ABCB5: variants seen among roughly 807,000 people sequenced by gnomAD.
The protein encoded by ABCB5 is ATP binding cassette subfamily B member 5, also known as ATP-binding cassette sub-family B member 5.
Under a neutral mutation model 144.2 loss-of-function variants are expected in ABCB5, and 155 were observed. The observed-to-expected ratio is 1.08, with a 90% CI of 0.94 to 1.23. The LOEUF is 1.23. ABCB5 is among the 50% of genes most tolerant of loss of function. The probability of loss-of-function intolerance (pLI) is 0.00; values close to 1 mark genes in which losing one functional copy is unlikely to be tolerated. For missense variants in ABCB5, 1,830 were observed against 1,520.8 expected (o/e 1.20, Z -3.38); for synonymous variants, 610 against 528.6 (o/e 1.15, Z -2.11).
At chr7:20,618,919 C>T (rs1157211982) in intron 1 of ABCB5, among the ~76,000 whole-genome samples, 1 of 151,698 alleles carries the variant, frequency 6.6e-6, no homozygotes, top group Non-Finnish European at 1.5e-5. Flanking sequence ...AGACTACAGG[C>T]ATGTACCACC....
At chr7:20,643,849 A>C (rs913142586) in intron 7 of ABCB5, among the ~76,000 whole-genome samples, 2 of 152,334 alleles carry the variant, frequency 1.3e-5, no homozygotes, top group Middle Eastern at 3.4e-3. Flanking sequence ...TAGCTTACTA[A>C]CATTGAAAAC....
At chr7:20,627,701 T>C (rs184276357) in intron 3 of ABCB5, among the ~76,000 whole-genome samples, 90 of 152,138 alleles carry the variant, frequency 5.9e-4, no homozygotes, top group South Asian at 1.0e-3. Flanking sequence ...ATTTACAGGA[T>C]AGGCATTGTT....
intron 14 of ABCB5, among the ~76,000 whole-genome samples, chr7:20,675,653 ATAGG>A (rs1247801756): frequency 1.3e-5 from 2 of 152,032 alleles, no homozygotes; most frequent in Non-Finnish European, 2.9e-5. Flanking sequence ...GCAAAATTAA[ATAGG>A]TAGGACTACA....
At chr7:20,689,265 G>A (rs1786123177) in intron 16 of ABCB5, among the ~76,000 whole-genome samples, 1 of 152,274 alleles carries the variant, frequency 6.6e-6, no homozygotes. Context: ...AGGCGGAGAG[G>A]CAGGCCTCAA....
rs1042870153 is a variant in ABCB5 at position 20,711,748 on chromosome 7, C to T, written c.2421+6941C>T. On this transcript the variant is annotated intron_variant, in intron 20 of 27. Coordinates refer to ENST00000404938, the MANE Select transcript of ABCB5 (RefSeq NM_001163941.2). ...GGATTATGGGTGTGAGCCACTGCAC[C>T]CAGCCCAGCCTGCCTGCCTTTCCTT... 1.0e-4 allele frequency among the ~76,000 whole-genome samples: 15 copies of T among 145,320 alleles called. 1 individual carries two copies. The highest frequency in any genetic ancestry group is 3.9e-4 in the African/African-American group (15 of 38,866).
At chr7:20,711,794 T>TGTC (rs1562573624) in intron 20 of ABCB5, among the ~76,000 whole-genome samples, 1 of 85,678 alleles carries the variant, frequency 1.2e-5, no homozygotes, top group African/African-American at 5.5e-5. Context: ...CTTTCTTTCT[T>TGTC]TCTTTCTTTC....
At chr7:20,641,786 A>G (rs769742421) in intron 5 of ABCB5, 5 of 152,350 alleles carry the variant, frequency 3.3e-5, no homozygotes, top group Non-Finnish European at 7.3e-5. Flanking sequence ...TCAAATTCTC[A>G]TAATCTAGAG....
At chr7:20,740,784 G>A (rs1309277704) in intron 24 of ABCB5, among the ~76,000 whole-genome samples, 3 of 152,016 alleles carry the variant, frequency 2.0e-5, no homozygotes, top group Admixed American at 6.6e-5. Context: ...GTATGTAAAT[G>A]TTTCTGAATA....
At chr7:20,632,996 AAACT>A (rs951340105) in intron 5 of ABCB5, among the ~76,000 whole-genome samples, 3 of 151,724 alleles carry the variant, frequency 2.0e-5, no homozygotes. Flanking sequence ...ATGTACCCTA[AAACT>A]TAAAGTATAA....
At chr7:20,628,613 T>TTGTG (rs3033483) in intron 3 of ABCB5, 75 bp from the exon 4 acceptor site, 1,009 of 1,352,472 alleles carry the variant, frequency 7.5e-4, no homozygotes, top group Non-Finnish European at 8.7e-4. Context: ...CTGTAGGCTG[T>TTGTG]TGTGTGTGTG....
intron 19 of ABCB5, among the ~76,000 whole-genome samples, chr7:20,701,934 G>C (rs984144681): frequency 1.3e-5 from 2 of 152,170 alleles, no homozygotes; most frequent in Admixed American, 1.3e-4. Context: ...TCTATAGTAA[G>C]GGAAGCCCCT....
intron 14 of ABCB5, among the ~76,000 whole-genome samples, chr7:20,668,960 G>A (rs1377690735): frequency 2.9e-4 from 31 of 106,426 alleles, no homozygotes; most frequent in Admixed American, 4.4e-4. Flanking sequence ...CAGCCGCCCC[G>A]TCCGGGAGGG....
chr7:20,623,342 A>G lies in ABCB5; in HGVS notation c.53+4A>G. 1.3e-6 allele frequency: 2 copies of G among 1,547,286 alleles called. No individual in the cohort carries two copies. The highest frequency in any genetic ancestry group is 2.4e-5 in the South Asian group (2 of 83,962). The stretch of plus-strand genomic sequence containing the variant: ...AAGAAAATTATCAGAGAAATGGGTA[A>G]GCTCTCACTAAGTTCTGTAAGTATG... On this transcript the variant is annotated splice_donor_region_variant and intron_variant, in intron 2 of 27. Transcript: ENST00000404938.
At chr7:20,643,126 T>A (rs577483576) in intron 5 of ABCB5, 58 bp from the exon 6 acceptor site, 1 of 1,422,748 alleles carries the variant, frequency 7.0e-7, no homozygotes, top group East Asian at 2.4e-5. Flanking sequence ...ATTTTTTATG[T>A]GTGTAACAAG....
At chr7:20,693,365 C>CA (rs1337036889) in intron 16 of ABCB5, among the ~76,000 whole-genome samples, 2 of 150,444 alleles carry the variant, frequency 1.3e-5, no homozygotes, top group East Asian at 1.9e-4. Flanking sequence ...GACCCTGTCT[C>CA]AAAAAAAAGA....
intron 2 of ABCB5, among the ~76,000 whole-genome samples, chr7:20,624,302 T>C (rs1783862282): frequency 2.6e-5 from 4 of 152,220 alleles, no homozygotes; most frequent in South Asian, 2.1e-4. Context: ...GGTTCTGGCG[T>C]CAGACTGAAG....
At chr7:20,659,378 T>G in intron 14 of ABCB5, 1 of 1,242,466 alleles carries the variant, frequency 8.0e-7, no homozygotes, top group Non-Finnish European at 1.0e-6. Context: ...TGCATTTGCT[T>G]GGAAGTGAGT....
At position 20,639,713 on chromosome 7, in the gene ABCB5, C is replaced by T. The variant is rs371134513; in HGVS notation, c.315-3471C>T. Among the ~76,000 whole-genome samples the T allele has an allele frequency of 4.6e-5, 7 of 152,264 alleles. No homozygotes were observed. The East Asian group carries it at 9.6e-4, about 21-fold the overall frequency. On this transcript the variant is annotated intron_variant, in intron 5 of 27. Coordinates refer to ENST00000404938, the MANE Select transcript of ABCB5 (RefSeq NM_001163941.2). ...CTGTTGCAGTTATTGACATGTCTGT[C>T]TTTATGCCAGTACTGCACTGTTTCG... is the stretch of plus-strand genomic sequence containing the variant.
chr7:20,635,016 T>C (rs1187742623), intron 5 of ABCB5, among the ~76,000 whole-genome samples: 1 of 152,196 alleles, frequency 6.6e-6, no homozygotes, highest in Non-Finnish European at 1.5e-5. Flanking sequence ...AGTTTTCTTC[T>C]AGTATTCTTA....
Sources: allele counts gnomAD v4.1 joint callset (sites outside exome capture counted in the v4.1 genomes callset), GRCh38; gene constraint gnomAD v4.1.1; transcripts MANE v1.5; gene names NCBI Gene and HGNC (gene_info 2026-07-23, HGNC 2026-07-21).